The following ZC3H3 variants were observed in gnomAD, a reference collection of about 807,000 sequenced individuals.
ZC3H3 encodes zinc finger CCCH-type containing 3.
A neutral mutation model predicts 77.3 loss-of-function variants in ZC3H3; 36 were observed. The ratio of observed to expected loss-of-function variants is 0.47; its 90% CI spans 0.36 to 0.61. The LOEUF (loss-of-function observed/expected upper bound fraction) is 0.61, where lower values mean the gene tolerates loss of function less well. ZC3H3 is among the 20% of genes least tolerant of loss of function. ZC3H3 has a pLI of 0.00. For missense variants in ZC3H3, 1,331 were observed against 1,312.2 expected, an observed-to-expected ratio of 1.01 and a Z score of -0.22; for synonymous variants, 626 against 555.2, an observed-to-expected ratio of 1.13 and a Z score of -1.79.
At chr8:143,520,863 GGCCAGGA>G (rs1822219316) in intron 3 of ZC3H3, among the ~76,000 whole-genome samples, 3 of 152,224 alleles carry the variant, frequency 2.0e-5, no homozygotes, top group Admixed American at 6.5e-5. Context: ...CCAGGAGCTA[GGCCAGGA>G]GCTGCCCCCT....
chr8:143,453,259 T>G (rs1374655717), intron 9 of ZC3H3, among the ~76,000 whole-genome samples: 1 of 20,480 alleles, frequency 4.9e-5, no homozygotes, highest in African/African-American at 2.2e-4. Context: ...TGTTTTTTTG[T>G]TTTTTTTTTT....
chr8:143,540,417 A>G (rs972252081), intron 1 of ZC3H3, among the ~76,000 whole-genome samples: 1 of 152,084 alleles, frequency 6.6e-6, no homozygotes, highest in Non-Finnish European at 1.5e-5. Flanking sequence ...TTCTGTAGAG[A>G]CGGGCTCTCG....
Position 143,530,183 on chromosome 8 carries a change from G to A in ZC3H3, c.1561+6074C>T, listed in dbSNP as rs1308590809. Among the ~76,000 whole-genome samples, 2 of 152,184 alleles carry A rather than the reference G, an allele frequency of 1.3e-5. No individual in the cohort carries two copies. Among genetic ancestry groups the A allele is most frequent in the Admixed American group, 1.3e-4 (2 of 15,290 alleles). ...CTGGTTGTCCACACGAGACCACCACGCAAGCCAGGCCCTTTCTGTCCACCA... is the reference window on the plus strand; with the variant it reads ...CTGGTTGTCCACACGAGACCACCACACAAGCCAGGCCCTTTCTGTCCACCA... On this transcript the variant is annotated intron_variant, in intron 3 of 11. Coordinates refer to ENST00000262577, the MANE Select transcript of ZC3H3 (RefSeq NM_015117.3). This position sits in a 1 kb window ranked among gnomAD's most constrained non-coding sequence, Gnocchi z 4.3.
At chr8:143,473,377 G>A (rs909961637) in intron 5 of ZC3H3, among the ~76,000 whole-genome samples, 6 of 152,168 alleles carry the variant, frequency 3.9e-5, no homozygotes, top group Admixed American at 6.5e-5. Context: ...GACTGGACAC[G>A]AGTCTGCGTA....
At chr8:143,496,663 T>A (rs781051691) in intron 4 of ZC3H3, among the ~76,000 whole-genome samples, 16 of 151,886 alleles carry the variant, frequency 1.1e-4, no homozygotes, top group Non-Finnish European at 2.1e-4. Context: ...CTAGAATGAG[T>A]GGACAGAAGT....
intron 4 of ZC3H3, among the ~76,000 whole-genome samples, chr8:143,485,944 T>C (rs987065670): frequency 1.3e-5 from 2 of 152,242 alleles, no homozygotes; most frequent in Admixed American, 6.5e-5. Context: ...CTGAGAATCC[T>C]GGCCAAGGCC....
chr8:143,538,940 G>A lies in ZC3H3; in HGVS notation c.427C>T (p.Arg143Trp), dbSNP rs755125057. The change falls in exon 2 of 12, where the codon CGG becomes TGG. Residue 143 changes from arginine to tryptophan, a missense_variant. Arg to Trp is a moderately radical substitution (Grantham distance 101, BLOSUM62 -3). Coordinates refer to ENST00000262577, the MANE Select transcript of ZC3H3 (RefSeq NM_015117.3). Reference protein sequence around the residue: ...SGSASASGAQRGSLEEFEETP... With the variant: ...SGSASASGAQWGSLEEFEETP... Reference sequence around the variant, plus strand: ...TCCTCAAATTCTTCCAAAGAGCCCCGCTGGGCCCCTGAGGCACTGGCAGAG... The same window carrying A: ...TCCTCAAATTCTTCCAAAGAGCCCCACTGGGCCCCTGAGGCACTGGCAGAG... 17 of 1,612,908 alleles carry A rather than the reference G, an allele frequency of 1.1e-5. No homozygotes were observed. Among genetic ancestry groups the A allele is most frequent in the African/African-American group, 8.0e-5 (6 of 74,948 alleles).
intron 3 of ZC3H3, among the ~76,000 whole-genome samples, chr8:143,517,196 T>C (rs1167346002): frequency 2.0e-5 from 3 of 152,212 alleles, no homozygotes; most frequent in Admixed American, 6.5e-5. Context: ...CTGACCCGTC[T>C]GTATGAAATG....
intron 4 of ZC3H3, among the ~76,000 whole-genome samples, chr8:143,495,717 G>A (rs1047832850): frequency 1.3e-5 from 2 of 151,824 alleles, no homozygotes; most frequent in African/African-American, 4.8e-5. Flanking sequence ...GAGTAGCTGG[G>A]GTACAGGTGC....
At chr8:143,485,184 G>C (rs1821019502) in intron 4 of ZC3H3, among the ~76,000 whole-genome samples, 1 of 152,234 alleles carries the variant, frequency 6.6e-6, no homozygotes, top group Non-Finnish European at 1.5e-5. Flanking sequence ...CCCTGGTGCT[G>C]AGAACAGGAG....
intron 9 of ZC3H3, among the ~76,000 whole-genome samples, chr8:143,442,524 G>C (rs1819774641): frequency 6.6e-6 from 1 of 152,108 alleles, no homozygotes; most frequent in Admixed American, 6.5e-5. Flanking sequence ...GGACGGGCGT[G>C]GGGGTGTGCA....
At chr8:143,505,847 C>T (rs1821675216) in intron 4 of ZC3H3, among the ~76,000 whole-genome samples, 1 of 152,214 alleles carries the variant, frequency 6.6e-6, no homozygotes, top group Admixed American at 6.5e-5. Flanking sequence ...CCATCAAAGG[C>T]GATGCCTGCT....
At chr8:143,463,024 C>T (rs894372170) in intron 9 of ZC3H3, among the ~76,000 whole-genome samples, 7 of 149,306 alleles carry the variant, frequency 4.7e-5, no homozygotes, top group African/African-American at 9.9e-5. Flanking sequence ...ACTCTTGTCA[C>T]GTAGGCTGGA....
rs375346807 is a variant in ZC3H3, at chr8:143,511,203, C to T, written c.1562-3304G>A. Among the ~76,000 whole-genome samples the T allele has an allele frequency of 4.6e-5, 7 of 152,302 alleles. No homozygotes were observed. The East Asian group carries it at 1.4e-3, about 29-fold the overall frequency. ...ACCAAGCACCACATGCCCAATGACG[C>T]ATCATCAGGAGGGCGGCCGCTGAGG... On this transcript the variant is annotated intron_variant, in intron 3 of 11. Transcript: ENST00000262577.
intron 9 of ZC3H3, 30 bp from the exon 10 acceptor site, chr8:143,441,150 G>C: frequency 7.2e-7 from 1 of 1,381,710 alleles, no homozygotes; most frequent in Non-Finnish European, 9.3e-7. Context: ...AGGTGGGTGG[G>C]CCGGCTGGAG....
intron 9 of ZC3H3, among the ~76,000 whole-genome samples, chr8:143,464,649 C>T (rs1221041562): frequency 1.3e-5 from 2 of 152,216 alleles, no homozygotes; most frequent in Non-Finnish European, 2.9e-5. Flanking sequence ...TGCGGGTGGG[C>T]TGAGAAAGGG....
At position 143,536,337 on chromosome 8, in the gene ZC3H3, G is replaced by C; in HGVS notation, c.1481C>G (p.Pro494Arg). The part of the protein sequence containing the change: ...GKSSPVLKKT[P>R]NKGLVQVTTH... ...GGTGACCTGTACCAGGCCCTTGTTG[G>C]GGGTCTTCTTCAGGACAGGGCTGCT... The change falls in exon 3 of 12, where the codon CCC (proline) becomes CGC (arginine). Residue 494 changes from proline to arginine, a missense_variant. By Grantham distance (103) the Pro-to-Arg change is moderately radical (BLOSUM62 -2). This residue lies in a region of ZC3H3 where 978 missense variants were observed against 915.5 expected (regional missense o/e 1.07). Coordinates refer to ENST00000262577, the MANE Select transcript of ZC3H3 (RefSeq NM_015117.3). 1.9e-6 allele frequency: 3 copies of C among 1,610,710 alleles called. No individual in the cohort carries two copies. The South Asian group carries it at 3.3e-5, about 18-fold the overall frequency.
chr8:143,510,454 G>A (rs1477668169), intron 3 of ZC3H3, among the ~76,000 whole-genome samples: 1 of 152,248 alleles, frequency 6.6e-6, no homozygotes, highest in Admixed American at 6.5e-5. Context: ...GATGAGCAGG[G>A]CACAGCCGGA....
intron 4 of ZC3H3, among the ~76,000 whole-genome samples, chr8:143,482,859 C>T (rs935883492): frequency 6.6e-6 from 1 of 152,188 alleles, no homozygotes; most frequent in Non-Finnish European, 1.5e-5. Context: ...TGAGCGAGGT[C>T]TTGGCCCGGC....
Sources: allele counts gnomAD v4.1 joint callset (sites outside exome capture counted in the v4.1 genomes callset), GRCh38; gene constraint gnomAD v4.1.1; regional missense constraint gnomAD v4.1.1; non-coding constraint Gnocchi (gnomAD v3.1); transcripts MANE v1.5; gene names NCBI Gene and HGNC (gene_info 2026-07-23, HGNC 2026-07-21).